Variants in COL24A1 observed in about 807,000 individuals in gnomAD.
COL24A1 encodes the protein collagen alpha-1(XXIV) chain.
Under a neutral mutation model 253.9 loss-of-function variants are expected in COL24A1, and 224 were observed. That is an observed-to-expected ratio of 0.88 (90% CI 0.79 to 0.99). The LOEUF is 0.99. Among genes scored for constraint, COL24A1 ranks in the 50% least tolerant of loss-of-function variants. The pLI is 0.00. For synonymous variants in COL24A1, 685 were observed against 673.7 expected, an observed-to-expected ratio of 1.02 and a Z score of -0.26; for missense variants, 2,131 against 2,068.5, an observed-to-expected ratio of 1.03 and a Z score of -0.59.
intron 43 of COL24A1, among the ~76,000 whole-genome samples, chr1:85,835,582 C>G (rs1180903633): frequency 6.6e-6 from 1 of 152,124 alleles, no homozygotes; most frequent in African/African-American, 2.4e-5. Context: ...GGTGATTATT[C>G]AGTCATAAAG....
intron 19 of COL24A1, among the ~76,000 whole-genome samples, chr1:86,006,143 G>A (rs1571570218): frequency 6.6e-6 from 1 of 152,278 alleles, no homozygotes; most frequent in East Asian, 1.9e-4. Context: ...TAAGTTATTT[G>A]TGGATACTGA....
intron 24 of COL24A1, among the ~76,000 whole-genome samples, chr1:85,923,645 G>A (rs144278645): frequency 0.012 from 1,819 of 152,100 alleles, 29 homozygotes; most frequent in African/African-American, 0.041. Context: ...ACAACGTACC[G>A]GAATCTCTGG....
At chr1:86,146,990 T>C (rs1651972826) in intron 1 of COL24A1, among the ~76,000 whole-genome samples, 1 of 152,174 alleles carries the variant, frequency 6.6e-6, no homozygotes, top group Non-Finnish European at 1.5e-5. Context: ...ATGATAAGCA[T>C]GCTGAAAACA....
chr1:85,831,845 T>C (rs1299031730), intron 43 of COL24A1, among the ~76,000 whole-genome samples: 1 of 152,034 alleles, frequency 6.6e-6, no homozygotes, highest in African/African-American at 2.4e-5. Context: ...GGAAGTCTAG[T>C]TGGGAAGCTA....
rs756517375 is a variant in COL24A1, at chr1:86,125,939, A to C, written c.397T>G (p.Leu133Val). Reference sequence around the variant, plus strand: ...TTTTTAGGTAGTAATTGTACTCCTAATTGCAGTCTATTTTTATTTCTAATG... The same window carrying C: ...TTTTTAGGTAGTAATTGTACTCCTACTTGCAGTCTATTTTTATTTCTAATG... ...FSIRNKNRLQ[L>V]GVQLLPKKLV... The change falls in exon 3 of 60, where the codon TTA becomes GTA. Residue 133 changes from leucine to valine, a missense_variant. By Grantham distance (32) the Leu-to-Val change is conservative. Transcript: ENST00000370571. 9.9e-6 allele frequency: 16 copies of C among 1,613,322 alleles called. No homozygotes were observed. The highest frequency in any genetic ancestry group is 1.2e-5 in the Non-Finnish European group (14 of 1,179,750).
intron 20 of COL24A1, among the ~76,000 whole-genome samples, chr1:85,983,462 G>A (rs1289446539): frequency 1.3e-5 from 2 of 151,838 alleles, no homozygotes; most frequent in Admixed American, 6.6e-5. Context: ...TTAGTGAACT[G>A]GCAGAAAATG....
chr1:86,046,931 T>C, intron 11 of COL24A1, 62 bp from the exon 12 acceptor site: 1 of 924,226 alleles, frequency 1.1e-6, no homozygotes. Flanking sequence ...ACTATAGATC[T>C]TTTTCTCCCA....
intron 7 of COL24A1, 75 bp from the exon 8 acceptor site, chr1:86,063,834 G>T: frequency 9.1e-7 from 1 of 1,098,852 alleles, no homozygotes; most frequent in Non-Finnish European, 1.2e-6. Context: ...TAGGTTGCAA[G>T]TTGCCTTATA....
intron 5 of COL24A1, among the ~76,000 whole-genome samples, chr1:86,098,268 TAAAAG>T (rs1704159532): frequency 1.4e-5 from 2 of 148,140 alleles, no homozygotes; most frequent in African/African-American, 5.0e-5. Flanking sequence ...GGAAGAAAAT[TAAAAG>T]AAAGAAGGAA....
chr1:85,934,114 T>C (rs975322032), intron 24 of COL24A1, among the ~76,000 whole-genome samples: 1 of 152,248 alleles, frequency 6.6e-6, no homozygotes, highest in Non-Finnish European at 1.5e-5. Context: ...CCTCAATCCA[T>C]AGACCTGAGG....
chr1:86,129,666 A>G (rs1296741543), intron 2 of COL24A1, among the ~76,000 whole-genome samples: 4 of 151,784 alleles, frequency 2.6e-5, no homozygotes, highest in Non-Finnish European at 5.9e-5. Flanking sequence ...GTGGTTTAAG[A>G]AAAAAGTTTT....
chr1:85,894,906 A>G (rs935203096), intron 31 of COL24A1, among the ~76,000 whole-genome samples: 2 of 152,182 alleles, frequency 1.3e-5, no homozygotes, highest in African/African-American at 4.8e-5. Context: ...CATTTACTAC[A>G]TAGACAATTA....
chr1:85,989,149 T>A (rs1693998293), intron 19 of COL24A1, among the ~76,000 whole-genome samples: 1 of 152,192 alleles, frequency 6.6e-6, no homozygotes, highest in East Asian at 1.9e-4. Context: ...TGGACTTGAA[T>A]CAAGACACTT....
At position 85,961,310 on chromosome 1, in the gene COL24A1, T is replaced by C. The variant is rs1419399638; in HGVS notation, c.2518-17A>G. 3 of 1,590,124 alleles carry C rather than the reference T, an allele frequency of 1.9e-6. No individual in the cohort carries two copies. The highest frequency in any genetic ancestry group is 2.6e-6 in the Non-Finnish European group (3 of 1,161,412). On this transcript the variant is annotated splice_polypyrimidine_tract_variant and intron_variant, in intron 23 of 59. Coordinates refer to ENST00000370571, the MANE Select transcript of COL24A1 (RefSeq NM_152890.7). ...TACTTCTCCCTGTCAAAAAAGAATA[T>C]AAAGTTGCAAAAACAGTTATTTTTC... is the stretch of plus-strand genomic sequence containing the variant.
At chr1:86,015,623 G>A (rs1696918048) in intron 19 of COL24A1, among the ~76,000 whole-genome samples, 1 of 152,042 alleles carries the variant, frequency 6.6e-6, no homozygotes, top group African/African-American at 2.4e-5. Context: ...AACCTTTAAA[G>A]ATAATGAAAA....
At chr1:85,916,696 A>G (rs866678705) in intron 24 of COL24A1, among the ~76,000 whole-genome samples, 12 of 152,132 alleles carry the variant, frequency 7.9e-5, no homozygotes, top group African/African-American at 2.7e-4. Flanking sequence ...CTATTTCAGT[A>G]CCTTAAAAAG....
chr1:85,979,232 A>G (rs995079997), intron 20 of COL24A1, among the ~76,000 whole-genome samples: 5 of 152,216 alleles, frequency 3.3e-5, no homozygotes, highest in African/African-American at 1.2e-4. Flanking sequence ...CCTATATCAA[A>G]AAGTCTGAAA....
intron 3 of COL24A1, among the ~76,000 whole-genome samples, chr1:86,122,174 G>A (rs754974628): frequency 2.9e-4 from 33 of 115,150 alleles, no homozygotes; most frequent in Non-Finnish European, 2.4e-4. Flanking sequence ...ATAGATTATC[G>A]CTTTTTCTCA....
intron 24 of COL24A1, among the ~76,000 whole-genome samples, chr1:85,945,663 G>A (rs919275109): frequency 2.0e-5 from 3 of 148,350 alleles, no homozygotes; most frequent in Non-Finnish European, 4.4e-5. Context: ...TTGGAGTGGG[G>A]TGAGTGGCGG....
Sources: gnomAD v4.1 joint callset for allele counts (sites outside exome capture counted in the v4.1 genomes callset) on GRCh38, gnomAD v4.1.1 for gene constraint, MANE v1.5 for transcripts, NCBI Gene and HGNC (gene_info 2026-07-23, HGNC 2026-07-21) for gene names.